PTPRD: variants seen among roughly 807,000 people sequenced by gnomAD.
The protein encoded by PTPRD is receptor-type tyrosine-protein phosphatase delta.
Under a neutral mutation model 214.5 loss-of-function variants are expected in PTPRD, and 34 were observed. That is an observed-to-expected ratio of 0.16 (90% CI 0.12 to 0.21). The LOEUF (loss-of-function observed/expected upper bound fraction) is 0.21. Among genes scored for constraint, PTPRD ranks in the 10% least tolerant of loss-of-function variants. The probability of loss-of-function intolerance (pLI) is 1.00; values close to 1 mark genes in which losing one functional copy is unlikely to be tolerated. For missense variants in PTPRD, 2,545 were observed against 2,398.7 expected (o/e 1.06, Z -1.27); for synonymous variants, 1,128 against 845.7 (o/e 1.33, Z -5.79).
intron 33 of PTPRD, among the ~76,000 whole-genome samples, chr9:8,458,255 G>A (rs1462477223): frequency 6.6e-6 from 1 of 152,014 alleles, no homozygotes; most frequent in African/African-American, 2.4e-5. Context: ...GATTTTTTAA[G>A]CACTTGCAGA....
At chr9:8,426,490 T>G (rs1259740318) in intron 35 of PTPRD, among the ~76,000 whole-genome samples, 1 of 152,164 alleles carries the variant, frequency 6.6e-6, no homozygotes, top group Admixed American at 6.5e-5. Flanking sequence ...TCTTGGAAGT[T>G]GAAAGCTTGC....
chr9:10,381,828 C>T (rs773028269), intron 2 of PTPRD, among the ~76,000 whole-genome samples: 1 of 151,890 alleles, frequency 6.6e-6, no homozygotes, highest in Admixed American at 6.6e-5. Context: ...CTAGGTATTT[C>T]ACCAGTGGCA....
intron 4 of PTPRD, among the ~76,000 whole-genome samples, chr9:10,020,344 C>T (rs1567138625): frequency 6.6e-6 from 1 of 150,790 alleles, no homozygotes; most frequent in Non-Finnish European, 1.5e-5. Flanking sequence ...GCTCTGTCAC[C>T]AGGCTGGAGT....
intron 35 of PTPRD, among the ~76,000 whole-genome samples, chr9:8,408,221 C>A (rs2093197053): frequency 6.6e-6 from 1 of 152,012 alleles, no homozygotes; most frequent in South Asian, 2.1e-4. Context: ...CCACCCTGAC[C>A]ATGCATCTTT....
chr9:8,564,288 T>A (rs952289574), intron 14 of PTPRD, among the ~76,000 whole-genome samples: 3 of 152,202 alleles, frequency 2.0e-5, no homozygotes, highest in African/African-American at 4.8e-5. Context: ...ATTTTTGATT[T>A]ACAATATTTT....
At chr9:9,925,978 A>G in intron 5 of PTPRD, among the ~76,000 whole-genome samples, 1 of 152,026 alleles carries the variant, frequency 6.6e-6, no homozygotes, top group Admixed American at 6.6e-5. Context: ...ACAGATGTAC[A>G]GCACCATGCC....
chr9:9,738,504 T>C (rs1405899575), intron 6 of PTPRD, among the ~76,000 whole-genome samples: 1 of 131,046 alleles, frequency 7.6e-6, no homozygotes, highest in African/African-American at 3.1e-5. Flanking sequence ...AGACCATCAG[T>C]GCGATCTTGG....
intron 10 of PTPRD, among the ~76,000 whole-genome samples, chr9:9,131,993 AG>A (rs1426117527): frequency 1.3e-5 from 2 of 151,722 alleles, no homozygotes; most frequent in Admixed American, 1.3e-4. Context: ...AAGGGCCACT[AG>A]TTTTTTGTTT....
rs183456592 is a variant in PTPRD, at chr9:9,894,302, C to A, written c.-368+44205G>T. Among the ~76,000 whole-genome samples, 83 of 152,130 alleles carry A rather than the reference C, an allele frequency of 5.5e-4. 1 individual carries two copies. Among genetic ancestry groups the A allele is most frequent in the African/African-American group, 1.9e-3 (80 of 41,512 alleles). On this transcript the variant is annotated intron_variant, in intron 5 of 45. Coordinates refer to ENST00000381196, the MANE Select transcript of PTPRD (RefSeq NM_002839.4). ...AGCAATTCAGATTATAGTATCTCCT[C>A]ATACTTAAAACCTTTTCACCTGTGC...
intron 7 of PTPRD, among the ~76,000 whole-genome samples, chr9:9,593,098 C>T (rs1355549850): frequency 8.0e-6 from 1 of 125,258 alleles, no homozygotes; most frequent in African/African-American, 3.0e-5. Context: ...GGAAGAAAGA[C>T]AGAGAGAGAG....
At chr9:8,605,076 C>T (rs1357006369) in intron 14 of PTPRD, among the ~76,000 whole-genome samples, 2 of 152,142 alleles carry the variant, frequency 1.3e-5, no homozygotes, top group Non-Finnish European at 2.9e-5. Flanking sequence ...TAACCTCTGG[C>T]CTATCAAACT....
At chr9:8,598,832 T>G (rs553860491) in intron 14 of PTPRD, among the ~76,000 whole-genome samples, 1 of 152,158 alleles carries the variant, frequency 6.6e-6, no homozygotes, top group Non-Finnish European at 1.5e-5. Context: ...ATGAGCCAAG[T>G]TGGAATCATT....
intron 2 of PTPRD, among the ~76,000 whole-genome samples, chr9:10,512,187 C>A (rs3076462): frequency 0.99 from 149,355 of 150,994 alleles, 73,886 homozygotes; most frequent in East Asian, 1. Context: ...ACAAAAAAAG[C>A]TTATTTACCT....
intron 7 of PTPRD, among the ~76,000 whole-genome samples, chr9:9,715,132 A>G (rs973483421): frequency 8.5e-5 from 13 of 152,078 alleles, no homozygotes; most frequent in African/African-American, 3.1e-4. Flanking sequence ...AAATTACTTT[A>G]TGTCACTGGA....
intron 3 of PTPRD, among the ~76,000 whole-genome samples, chr9:10,125,423 TTTA>T (rs71485319): frequency 0.07 from 9,372 of 133,358 alleles, 362 homozygotes; most frequent in East Asian, 0.17. Flanking sequence ...TTTGTTTTAT[TTTA>T]TTATTATTAT....
intron 3 of PTPRD, among the ~76,000 whole-genome samples, chr9:10,097,982 C>T (rs2098509492): frequency 6.6e-6 from 1 of 151,812 alleles, no homozygotes; most frequent in Non-Finnish European, 1.5e-5. Context: ...ACCCAGCCAT[C>T]CCATTACGGG....
intron 9 of PTPRD, among the ~76,000 whole-genome samples, chr9:9,322,607 T>A (rs543782329): frequency 7.9e-5 from 12 of 152,292 alleles, no homozygotes; most frequent in African/African-American, 2.2e-4. Flanking sequence ...AACATATGCA[T>A]GTCAGGATCT....
chr9:8,611,322 C>A (rs2095437288), intron 14 of PTPRD, among the ~76,000 whole-genome samples: 1 of 152,160 alleles, frequency 6.6e-6, no homozygotes, highest in African/African-American at 2.4e-5. Context: ...TTGGGCAAAG[C>A]TATCCTTATG....
intron 11 of PTPRD, among the ~76,000 whole-genome samples, chr9:8,976,379 A>G (rs115221746): frequency 6.6e-6 from 1 of 152,090 alleles, no homozygotes; most frequent in Non-Finnish European, 1.5e-5. Flanking sequence ...GGTAACCACT[A>G]TCAAACACTA....
Sources: allele counts gnomAD v4.1 joint callset (sites outside exome capture counted in the v4.1 genomes callset), GRCh38; gene constraint gnomAD v4.1.1; transcripts MANE v1.5; gene names NCBI Gene and HGNC (gene_info 2026-07-23, HGNC 2026-07-21).